The following CADM2 variants were observed in gnomAD, a reference collection of about 807,000 sequenced individuals.
The protein encoded by CADM2 is cell adhesion molecule 2.
In CADM2, 12 loss-of-function variants were observed where a neutral mutation model predicts 49.8. The ratio of observed to expected loss-of-function variants is 0.24; its 90% CI spans 0.15 to 0.39. The LOEUF is 0.39. Among genes scored for constraint, CADM2 ranks in the 10% least tolerant of loss-of-function variants. CADM2 has a pLI of 1.00. For synonymous variants in CADM2, 214 were observed against 175.4 expected (o/e 1.22, Z -1.74); for missense variants, 378 against 492.3 (o/e 0.77, Z 2.20).
At chr3:85,061,071 A>G (rs1395624188) in intron 1 of CADM2, among the ~76,000 whole-genome samples, 1 of 152,158 alleles carries the variant, frequency 6.6e-6, no homozygotes, top group Non-Finnish European at 1.5e-5. Flanking sequence ...ATAAAAGACA[A>G]TTGTTAATAA....
Position 86,013,508 on chromosome 3 carries a change from A to G in CADM2, c.970+51861A>G, listed in dbSNP as rs545373267. On this transcript the variant is annotated intron_variant, in intron 8 of 9. Transcript: ENST00000383699. Reference sequence around the variant, plus strand: ...TTCTGAGAAAGCGCTTTGAGACAACAGCAGTTAACACGTTGTTTTCTTCAA... The same window carrying G: ...TTCTGAGAAAGCGCTTTGAGACAACGGCAGTTAACACGTTGTTTTCTTCAA... 5.6e-6 allele frequency: 9 copies of G among 1,604,662 alleles called. No homozygotes were observed. In the African/African-American group the frequency reaches 9.4e-5, roughly 17 times the overall value.
rs185950593 is a variant in CADM2, at chr3:85,436,168, T to C, written c.62-290354T>C. 2.0e-3 allele frequency among the ~76,000 whole-genome samples: 308 copies of C among 152,272 alleles called. 3 individuals are homozygous for C. The highest frequency in any genetic ancestry group is 7.2e-3 in the African/African-American group (301 of 41,572). Reference sequence around the variant, plus strand: ...TTGTAAGTTGGATTCCTAAGTATTTTATTCTCTTTGTAGCAATGGTGAATG... The same window carrying C: ...TTGTAAGTTGGATTCCTAAGTATTTCATTCTCTTTGTAGCAATGGTGAATG... On this transcript the variant is annotated intron_variant, in intron 1 of 9. Coordinates refer to ENST00000383699, the MANE Select transcript of CADM2 (RefSeq NM_001167675.2).
chr3:85,839,218 A>C (rs987863664), intron 3 of CADM2, among the ~76,000 whole-genome samples: 6 of 151,808 alleles, frequency 4.0e-5, no homozygotes, highest in African/African-American at 1.4e-4. Flanking sequence ...GGAATAAAAA[A>C]GCTGCTCCGA....
intron 1 of CADM2, among the ~76,000 whole-genome samples, chr3:85,179,667 A>G (rs904887875): frequency 6.6e-6 from 1 of 152,110 alleles, no homozygotes; most frequent in Non-Finnish European, 1.5e-5. Context: ...TCAAATTCGT[A>G]TATTGAGGTC....
chr3:85,565,015 C>T (rs2062213467), intron 1 of CADM2, among the ~76,000 whole-genome samples: 1 of 151,936 alleles, frequency 6.6e-6, no homozygotes, highest in Non-Finnish European at 1.5e-5. Flanking sequence ...GTACATCTGG[C>T]CATTTTGAAA....
chr3:85,213,893 A>G (rs1226178721), intron 1 of CADM2, among the ~76,000 whole-genome samples: 1 of 151,692 alleles, frequency 6.6e-6, no homozygotes, highest in African/African-American at 2.4e-5. Flanking sequence ...TGCATGTTCA[A>G]CTCCATAATG....
At chr3:85,374,551 G>A (rs1306327624) in intron 1 of CADM2, among the ~76,000 whole-genome samples, 2 of 151,964 alleles carry the variant, frequency 1.3e-5, no homozygotes, top group Non-Finnish European at 2.9e-5. Context: ...CCCATCTACC[G>A]GTAACAATTT....
intron 1 of CADM2, among the ~76,000 whole-genome samples, chr3:85,089,876 T>G (rs1220185437): frequency 6.6e-6 from 1 of 152,218 alleles, no homozygotes; most frequent in African/African-American, 2.4e-5. Context: ...ATTGAGATTT[T>G]GATGTGCCAA....
At chr3:85,099,951 G>A (rs1452660184) in intron 1 of CADM2, among the ~76,000 whole-genome samples, 1 of 151,982 alleles carries the variant, frequency 6.6e-6, no homozygotes, top group Non-Finnish European at 1.5e-5. Flanking sequence ...GTTTATAATT[G>A]AATTTTATTT....
In CADM2 at chr3:85,568,454, T is replaced by TCTCTTTCTCTCC; in HGVS notation, c.62-158066_62-158065insCTTTCTCTCCCT. On this transcript the variant is annotated intron_variant, in intron 1 of 9. Transcript: ENST00000383699. The stretch of plus-strand genomic sequence containing the variant: ...TTCTTTCTTTCTTTCTTTCTTTCTT[T>TCTCTTTCTCTCC]CTTTCTTTCTCTTTCTCTCTCTTTC... 7.4e-5 allele frequency among the ~76,000 whole-genome samples: 2 copies of TCTCTTTCTCTCC among 27,150 alleles called. 1 individual carries two copies. 17.8% of individuals were successfully genotyped at this position (27,150 alleles called of 152,430 possible). A position where few individuals can be genotyped will look rare whatever the true frequency, so the allele number is the denominator to read the frequency against.
chr3:85,296,838 C>T (rs1048951704), intron 1 of CADM2, among the ~76,000 whole-genome samples: 1 of 152,074 alleles, frequency 6.6e-6, no homozygotes, highest in Non-Finnish European at 1.5e-5. Flanking sequence ...CTTTTGAATA[C>T]AAGTTGCAAA....
chr3:85,472,631 C>T (rs568840403), intron 1 of CADM2, among the ~76,000 whole-genome samples: 25 of 151,998 alleles, frequency 1.6e-4, no homozygotes, highest in African/African-American at 5.8e-4. Flanking sequence ...TCTCCTTTGG[C>T]TTGGATAATT....
chr3:85,591,891 A>G (rs1296550555), intron 1 of CADM2, among the ~76,000 whole-genome samples: 2 of 152,044 alleles, frequency 1.3e-5, no homozygotes, highest in South Asian at 2.1e-4. Context: ...GCATCTAAGT[A>G]GCAGATTGTC....
intron 1 of CADM2, among the ~76,000 whole-genome samples, chr3:85,355,680 T>A (rs904480852): frequency 3.3e-5 from 5 of 152,106 alleles, no homozygotes; most frequent in African/African-American, 1.2e-4. Flanking sequence ...AGAGTTGCGA[T>A]GTCAGATAGG....
chr3:86,030,009 G>A (rs568514873), intron 8 of CADM2, among the ~76,000 whole-genome samples: 2 of 152,098 alleles, frequency 1.3e-5, no homozygotes, highest in African/African-American at 4.8e-5. Flanking sequence ...ATGATCAAAA[G>A]TGATTTCAAG....
chr3:85,828,574 G>A (rs1308058027), intron 3 of CADM2, among the ~76,000 whole-genome samples: 2 of 151,860 alleles, frequency 1.3e-5, no homozygotes, highest in African/African-American at 4.8e-5. Flanking sequence ...TTATACCTAT[G>A]TCTATATATC....
chr3:85,324,016 G>A (rs2044684780), intron 1 of CADM2, among the ~76,000 whole-genome samples: 1 of 152,052 alleles, frequency 6.6e-6, no homozygotes, highest in South Asian at 2.1e-4. Flanking sequence ...TATAATACTG[G>A]CTGTACTGCT....
intron 1 of CADM2, among the ~76,000 whole-genome samples, chr3:85,666,855 G>A (rs908344397): frequency 3.4e-4 from 52 of 151,984 alleles, no homozygotes; most frequent in African/African-American, 1.2e-3. Context: ...GGGTATTTTG[G>A]GGTAGTGTTT....
At chr3:85,553,406 C>CT (rs1183683084) in intron 1 of CADM2, among the ~76,000 whole-genome samples, 4 of 152,162 alleles carry the variant, frequency 2.6e-5, no homozygotes, top group Non-Finnish European at 5.9e-5. Flanking sequence ...TTGCTAACTT[C>CT]TACAAGCACA....
Sources: allele counts gnomAD v4.1 joint callset (sites outside exome capture counted in the v4.1 genomes callset), GRCh38; gene constraint gnomAD v4.1.1; transcripts MANE v1.5; gene names NCBI Gene and HGNC (gene_info 2026-07-23, HGNC 2026-07-21).